The following PTPRD variants were observed in gnomAD, a reference collection of about 807,000 sequenced individuals.
PTPRD encodes the protein receptor-type tyrosine-protein phosphatase delta.
Under a neutral mutation model 214.5 loss-of-function variants are expected in PTPRD, and 34 were observed. That is an observed-to-expected ratio of 0.16 (90% CI 0.12 to 0.21). The LOEUF is 0.21. Ranked by LOEUF, PTPRD falls within the 10% of genes least tolerant of loss-of-function variation. The pLI, the probability that PTPRD is intolerant of heterozygous loss-of-function variation, is 1.00. For synonymous variants in PTPRD, 1,128 were observed against 845.7 expected (o/e 1.33, Z -5.79); for missense variants, 2,545 against 2,398.7 (o/e 1.06, Z -1.27).
At chr9:9,572,715 G>T (rs1362239610) in intron 8 of PTPRD, among the ~76,000 whole-genome samples, 1 of 149,696 alleles carries the variant, frequency 6.7e-6, no homozygotes, top group East Asian at 2.0e-4. Flanking sequence ...TAATAATAAA[G>T]GACAAATAAT....
intron 3 of PTPRD, among the ~76,000 whole-genome samples, chr9:10,334,210 A>G (rs2096801691): frequency 6.6e-6 from 1 of 151,818 alleles, no homozygotes; most frequent in South Asian, 2.1e-4. Context: ...AAAAAAGGTT[A>G]TAAGATAATA....
chr9:8,484,037 T>G, intron 30 of PTPRD, 82 bp downstream of exon 30: 1 of 1,510,912 alleles, frequency 6.6e-7, no homozygotes, highest in Non-Finnish European at 8.9e-7. Flanking sequence ...TATCTTCTTT[T>G]ACGACCTCTA....
chr9:10,225,639 A>G (rs2099586393), intron 3 of PTPRD, among the ~76,000 whole-genome samples: 1 of 152,034 alleles, frequency 6.6e-6, no homozygotes, highest in African/African-American at 2.4e-5. Flanking sequence ...TCTCTTTTGC[A>G]AAAGTGTTGG....
At chr9:10,069,692 T>C (rs2097957919) in intron 3 of PTPRD, among the ~76,000 whole-genome samples, 1 of 151,914 alleles carries the variant, frequency 6.6e-6, no homozygotes, top group African/African-American at 2.4e-5. Context: ...TAAAAAGAAG[T>C]AGTGCATATG....
At chr9:8,770,386 ATAAT>A (rs1565926224) in intron 11 of PTPRD, among the ~76,000 whole-genome samples, 1 of 152,172 alleles carries the variant, frequency 6.6e-6, no homozygotes, top group Non-Finnish European at 1.5e-5. Context: ...ATACAATCAA[ATAAT>A]TAGAAAATAC....
At position 9,836,921 on chromosome 9, in the gene PTPRD, C is replaced by A. The variant is rs988579244; in HGVS notation, c.-367-70070G>T. 8.5e-5 allele frequency among the ~76,000 whole-genome samples: 13 copies of A among 152,234 alleles called. No individual in the cohort carries two copies. The East Asian group carries it at 2.3e-3, about 27-fold the overall frequency. The stretch of plus-strand genomic sequence containing the variant: ...AATAGATTATAACATGACTGTTATA[C>A]CTCTTTCAAGATTGAATGTGTGGGG... On this transcript the variant is annotated intron_variant, in intron 5 of 45. Transcript: ENST00000381196.
intron 3 of PTPRD, among the ~76,000 whole-genome samples, chr9:10,172,150 G>C (rs1468628900): frequency 6.6e-6 from 1 of 152,090 alleles, no homozygotes; most frequent in Non-Finnish European, 1.5e-5. Context: ...AACTGAAAAA[G>C]TTACTTGGTT....
intron 11 of PTPRD, among the ~76,000 whole-genome samples, chr9:8,786,597 T>A (rs1217296504): frequency 6.6e-6 from 1 of 150,652 alleles, no homozygotes; most frequent in African/African-American, 2.4e-5. Flanking sequence ...GTATTTTTAG[T>A]ACAAACGGGG....
chr9:10,371,243 A>T (rs928259223), intron 2 of PTPRD, among the ~76,000 whole-genome samples: 15 of 152,092 alleles, frequency 9.9e-5, no homozygotes, highest in Middle Eastern at 3.4e-3. Context: ...ACAGTCTCTC[A>T]TCCACACATA....
At chr9:9,030,927 A>G (rs2099603308) in intron 10 of PTPRD, among the ~76,000 whole-genome samples, 1 of 151,966 alleles carries the variant, frequency 6.6e-6, no homozygotes, top group Admixed American at 6.6e-5. Context: ...GTAGTGGTGG[A>G]GTTCTGAGGA....
chr9:10,115,750 A>G (rs759869101), intron 3 of PTPRD, among the ~76,000 whole-genome samples: 1 of 152,132 alleles, frequency 6.6e-6, no homozygotes, highest in Non-Finnish European at 1.5e-5. Flanking sequence ...TATAACTGGA[A>G]TAGTGTGATA....
chr9:9,989,331 T>G lies in PTPRD; in HGVS notation c.-472+44387A>C, dbSNP rs1475784206. On this transcript the variant is annotated intron_variant, in intron 4 of 45. Transcript: ENST00000381196. ...TGCCTTTTCCAAAACCACCCTAGCC[T>G]TCTCTGCCCCCACATTCTGTACCCA... 1.3e-5 allele frequency among the ~76,000 whole-genome samples: 2 copies of G among 152,076 alleles called. 1 individual carries two copies. Among genetic ancestry groups the G allele is most frequent in the Non-Finnish European group, 2.9e-5 (2 of 68,008 alleles).
chr9:9,493,787 C>CAAAAAAAAAAAAAAA (rs750252052), intron 8 of PTPRD, among the ~76,000 whole-genome samples: 66 of 54,238 alleles, frequency 1.2e-3, no homozygotes, highest in East Asian at 2.4e-3. Context: ...GACTCCGTCT[C>CAAAAAAAAAAAAAAA]AAAAAAAAAA....
chr9:9,489,744 G>T (rs1006793092), intron 8 of PTPRD, among the ~76,000 whole-genome samples: 6 of 152,010 alleles, frequency 3.9e-5, no homozygotes, highest in Admixed American at 3.9e-4. Context: ...AGACTGAAGT[G>T]AACAGAACCT....
intron 9 of PTPRD, among the ~76,000 whole-genome samples, chr9:9,213,448 T>C (rs1034829292): frequency 2.0e-5 from 3 of 152,180 alleles, no homozygotes; most frequent in Admixed American, 6.5e-5. Context: ...ATGCAATACA[T>C]TGTAATTAAA....
At position 9,149,981 on chromosome 9, in the gene PTPRD, G is replaced by A. The variant is rs1312731640; in HGVS notation, c.-143+33323C>T. Reference sequence around the variant, plus strand: ...GTACAGGTAGTCCAGTATACATGAAGACCCATTTTACAAACACAAGTGACA... The same window carrying A: ...GTACAGGTAGTCCAGTATACATGAAAACCCATTTTACAAACACAAGTGACA... On this transcript the variant is annotated intron_variant, in intron 10 of 45. Transcript: ENST00000381196. Among the ~76,000 whole-genome samples, 3 of 152,282 alleles carry A rather than the reference G, an allele frequency of 2.0e-5. No homozygotes were observed. The East Asian group carries it at 5.8e-4, about 29-fold the overall frequency.
chr9:9,463,373 T>C (rs36087355), intron 8 of PTPRD, among the ~76,000 whole-genome samples: 11,914 of 152,000 alleles, frequency 0.078, 480 homozygotes, highest in South Asian at 0.14. Flanking sequence ...GAGAGTGGGT[T>C]GGAAGAGGGA....
chr9:8,737,526 A>G (rs1374694109), intron 11 of PTPRD, among the ~76,000 whole-genome samples: 3 of 152,028 alleles, frequency 2.0e-5, no homozygotes. Context: ...GTACTCTGAA[A>G]AAAAAAAAGA....
intron 9 of PTPRD, among the ~76,000 whole-genome samples, chr9:9,233,421 G>A (rs994320202): frequency 1.3e-5 from 2 of 152,134 alleles, no homozygotes; most frequent in Non-Finnish European, 2.9e-5. Flanking sequence ...TTTGGGTGGT[G>A]ACACCGAGCC....
Sources: allele counts gnomAD v4.1 joint callset (sites outside exome capture counted in the v4.1 genomes callset), GRCh38; gene constraint gnomAD v4.1.1; transcripts MANE v1.5; gene names NCBI Gene and HGNC (gene_info 2026-07-23, HGNC 2026-07-21).